FER: variants seen among roughly 807,000 people sequenced by gnomAD.
The protein encoded by FER is tyrosine-protein kinase Fer.
Under a neutral mutation model 111.0 loss-of-function variants are expected in FER, and 63 were observed. The ratio of observed to expected loss-of-function variants is 0.57; its 90% confidence interval spans 0.46 to 0.70. FER has a LOEUF of 0.70. Ranked by LOEUF, FER falls within the 30% of genes least tolerant of loss-of-function variation. FER has a pLI of 0.00. For missense variants in FER, 914 were observed against 954.0 expected (o/e 0.96, Z 0.55); for synonymous variants, 327 against 313.9 (o/e 1.04, Z -0.44).
chr5:109,110,847 A>G (rs1749527402), intron 17 of FER, among the ~76,000 whole-genome samples: 1 of 152,140 alleles, frequency 6.6e-6, no homozygotes, highest in African/African-American at 2.4e-5. Flanking sequence ...AGCCAAATGA[A>G]AGAAAAACAT....
intron 13 of FER, among the ~76,000 whole-genome samples, chr5:108,988,574 A>C (rs1423977637): frequency 6.6e-6 from 1 of 152,050 alleles, no homozygotes; most frequent in Non-Finnish European, 1.5e-5. Flanking sequence ...AGGTACGTAA[A>C]GGTGTTCATA....
intron 17 of FER, among the ~76,000 whole-genome samples, chr5:109,110,058 C>G (rs1372017364): frequency 6.6e-6 from 1 of 152,046 alleles, no homozygotes. Flanking sequence ...TCTCTGACTC[C>G]ACTCATATCT....
At chr5:109,129,197 T>A (rs1752082080) in intron 17 of FER, among the ~76,000 whole-genome samples, 1 of 152,034 alleles carries the variant, frequency 6.6e-6, no homozygotes, top group Admixed American at 6.6e-5. Context: ...CCTTATCTTA[T>A]AACAAAATGA....
At chr5:109,158,263 G>A (rs1755624963) in intron 17 of FER, among the ~76,000 whole-genome samples, 1 of 151,868 alleles carries the variant, frequency 6.6e-6, no homozygotes, top group Non-Finnish European at 1.5e-5. Context: ...CATGCCTGTA[G>A]GTCCCATATA....
chr5:108,812,830 A>G (rs1176207234), intron 3 of FER, among the ~76,000 whole-genome samples: 1 of 152,104 alleles, frequency 6.6e-6, no homozygotes, highest in Non-Finnish European at 1.5e-5. Flanking sequence ...CTATAATAAT[A>G]TTCTTGCAAG....
At chr5:109,172,390 G>A (rs965604829) in intron 17 of FER, among the ~76,000 whole-genome samples, 8 of 147,546 alleles carry the variant, frequency 5.4e-5, no homozygotes, top group Non-Finnish European at 8.9e-5. Context: ...AAGGACAAAA[G>A]ACCAAACACT....
At chr5:109,040,516 G>A (rs144756366) in intron 14 of FER, among the ~76,000 whole-genome samples, 1 of 152,140 alleles carries the variant, frequency 6.6e-6, no homozygotes, top group African/African-American at 2.4e-5. Context: ...AACAAGATGG[G>A]ATTTAGCAAT....
chr5:108,933,010 T>G (rs931046909), intron 10 of FER, among the ~76,000 whole-genome samples: 5 of 152,158 alleles, frequency 3.3e-5, no homozygotes, highest in African/African-American at 1.2e-4. Flanking sequence ...GTCAGATGGA[T>G]AGATTGCAAA....
At chr5:109,007,550 C>A (rs531585346) in intron 13 of FER, among the ~76,000 whole-genome samples, 8 of 152,224 alleles carry the variant, frequency 5.3e-5, no homozygotes, top group African/African-American at 1.7e-4. Context: ...AATTTGACTT[C>A]TTTTATTTGG....
chr5:109,175,471 A>G (rs1757575445), intron 17 of FER, among the ~76,000 whole-genome samples: 1 of 152,208 alleles, frequency 6.6e-6, no homozygotes, highest in South Asian at 2.1e-4. Flanking sequence ...GAAGACTTAA[A>G]ATAAGATCTG....
At chr5:109,151,047 C>T (rs922614042) in intron 17 of FER, among the ~76,000 whole-genome samples, 1 of 152,034 alleles carries the variant, frequency 6.6e-6, no homozygotes, top group African/African-American at 2.4e-5. Flanking sequence ...TTTCTTTTCC[C>T]TTTGAAAGTA....
At chr5:109,129,510 A>G (rs1373294070) in intron 17 of FER, among the ~76,000 whole-genome samples, 2 of 152,054 alleles carry the variant, frequency 1.3e-5, no homozygotes, top group East Asian at 1.9e-4. Context: ...TTCTACTTCC[A>G]TATAACAATC....
rs141213128 is a variant in FER, at chr5:109,029,039, G to A, written c.1657-8383G>A. ...AGTCATTATGGACTAATATTACTCAGTAACTTTTGAACATTCTGGTAGTTT... is the reference window on the plus strand; with the variant it reads ...AGTCATTATGGACTAATATTACTCAATAACTTTTGAACATTCTGGTAGTTT... On this transcript the variant is annotated intron_variant, in intron 13 of 19. Transcript: ENST00000281092. 2.6e-3 allele frequency among the ~76,000 whole-genome samples: 393 copies of A among 152,262 alleles called. 1 individual carries two copies. The highest frequency in any genetic ancestry group is 8.9e-3 in the African/African-American group (370 of 41,538).
chr5:108,800,842 C>T (rs535845368), intron 3 of FER, among the ~76,000 whole-genome samples: 102 of 152,152 alleles, frequency 6.7e-4, no homozygotes, highest in African/African-American at 2.3e-3. Flanking sequence ...GTCAGGAGAT[C>T]GAGACCATCC....
chr5:109,083,966 T>G (rs1050697846), intron 16 of FER, among the ~76,000 whole-genome samples: 1 of 152,038 alleles, frequency 6.6e-6, no homozygotes, highest in African/African-American at 2.4e-5. Context: ...ATAGGCTAGC[T>G]TATTAACTTA....
intron 16 of FER, among the ~76,000 whole-genome samples, chr5:109,079,339 G>T (rs1776724903): frequency 6.6e-6 from 1 of 152,024 alleles, no homozygotes; most frequent in Admixed American, 6.6e-5. Flanking sequence ...ATTGGGAGGG[G>T]TGGGGAAAAC....
Position 108,897,504 on chromosome 5 carries a change from C to A in FER, c.1047-155C>A, listed in dbSNP as rs1749321010. The A allele has an allele frequency of 1.3e-5, 7 of 537,332 alleles. 1 individual carries two copies. The East Asian group carries it at 2.3e-4, about 18-fold the overall frequency. The allele number at this position is 537,332 out of a possible 1,614,324, so 33.3% of individuals were successfully genotyped here. A position where few individuals can be genotyped will look rare whatever the true frequency, so the allele number is the denominator to read the frequency against. On this transcript the variant is annotated intron_variant, in intron 9 of 19. Transcript: ENST00000281092. ...TGTTAATGCTAGCATGTAATAAATA[C>A]TGTGATAACTTAAAATCTGCTTAGT... is the stretch of plus-strand genomic sequence containing the variant.
chr5:109,111,985 A>G (rs1749676129), intron 17 of FER, among the ~76,000 whole-genome samples: 1 of 152,152 alleles, frequency 6.6e-6, no homozygotes, highest in Non-Finnish European at 1.5e-5. Flanking sequence ...ACATATTTTT[A>G]TTATAGAACA....
intron 3 of FER, among the ~76,000 whole-genome samples, chr5:108,816,076 C>G (rs1416027557): frequency 6.6e-6 from 1 of 151,972 alleles, no homozygotes; most frequent in Non-Finnish European, 1.5e-5. Flanking sequence ...ACCGCCCCCC[C>G]AAACACACAC....
Sources: gnomAD v4.1 joint callset for allele counts (sites outside exome capture counted in the v4.1 genomes callset) on GRCh38, gnomAD v4.1.1 for gene constraint, MANE v1.5 for transcripts, NCBI Gene and HGNC (gene_info 2026-07-23, HGNC 2026-07-21) for gene names.